CCDC157: variants seen among roughly 807,000 people sequenced by gnomAD.
CCDC157 encodes coiled-coil domain-containing protein 157.
A neutral mutation model predicts 70.9 loss-of-function variants in CCDC157; 60 were observed. That is an observed-to-expected ratio of 0.85 (90% confidence interval 0.69 to 1.05). The LOEUF (loss-of-function observed/expected upper bound fraction) is 1.05, where lower values mean the gene tolerates loss of function less well. Among genes scored for constraint, CCDC157 ranks in the 50% least tolerant of loss-of-function variants. The pLI is 0.00. For synonymous variants in CCDC157, 373 were observed against 422.4 expected, an observed-to-expected ratio of 0.88 and a Z score of 1.43; for missense variants, 943 against 984.2, an observed-to-expected ratio of 0.96 and a Z score of 0.56.
Position 30,376,441 on chromosome 22 carries a change from G to A in CCDC157, c.1955G>A (p.Gly652Asp), listed in dbSNP as rs770972497. Residue 652 changes from glycine (G) to aspartate (D), a missense_variant, in exon 12 of 12, where the codon GGC (glycine) becomes GAC (aspartate). Coordinates refer to ENST00000338306, the MANE Select transcript of CCDC157 (RefSeq NM_001017437.5). The part of the protein sequence containing the change: ...QAKSTSPGPL[G>D]RQHLPSSRTG... ...ATCTGGTTTTCCTTCAGGCCTCTGG[G>A]CAGACAGCACCTTCCTAGCAGCAGG... 1.2e-6 allele frequency: 2 copies of A among 1,613,840 alleles called. No individual in the cohort carries two copies. The highest frequency in any genetic ancestry group is 1.7e-6 in the Non-Finnish European group (2 of 1,179,928).
chr22:30,364,890 A>C (rs964498805), intron 2 of CCDC157, among the ~76,000 whole-genome samples: 1 of 151,864 alleles, frequency 6.6e-6, no homozygotes, highest in African/African-American at 2.4e-5. Flanking sequence ...TCTTAATGCA[A>C]GTTTTCATGT....
At chr22:30,364,331 C>G (rs1265054433) in intron 2 of CCDC157, among the ~76,000 whole-genome samples, 1 of 151,664 alleles carries the variant, frequency 6.6e-6, no homozygotes, top group African/African-American at 2.4e-5. Flanking sequence ...GAGACCATGT[C>G]TCAAAAAACA....
At chr22:30,376,034 A>AC in intron 10 of CCDC157, 1 of 556,034 alleles carries the variant, frequency 1.8e-6, no homozygotes, top group East Asian at 3.0e-5. Flanking sequence ...CAAAAAAAAA[A>AC]AGAAGCCATG....
intron 9 of CCDC157, chr22:30,375,191 T>C: frequency 2.9e-6 from 1 of 340,332 alleles, no homozygotes; most frequent in Non-Finnish European, 5.5e-6. Flanking sequence ...TCTCTTGACT[T>C]AATGATCCCC....
chr22:30,366,436 T>C lies in CCDC157; in HGVS notation c.248+188T>C. The C allele has an allele frequency of 7.2e-6, 5 of 689,748 alleles. No homozygotes were observed. The South Asian group carries it at 9.1e-5, about 13-fold the overall frequency. 42.7% of individuals were successfully genotyped at this position (689,748 alleles called of 1,614,324 possible). On this transcript the variant is annotated intron_variant, in intron 3 of 11. Coordinates refer to ENST00000338306, the MANE Select transcript of CCDC157 (RefSeq NM_001017437.5). ...TTACCTTTTATCATGTGTCTTGTGT[T>C]GTGTGCTGTGCTATCCTGTGTTAGG...
rs1024004607 is a variant in CCDC157 at position 30,370,891 on chromosome 22, C to T, written c.986C>T (p.Ala329Val). The change falls in exon 5 of 12, where the codon GCG becomes GTG. Residue 329 changes from alanine to valine, a missense_variant. Ala to Val is a moderately conservative substitution (Grantham distance 64). Transcript: ENST00000338306. ...GAGCAGGGGGCACGGCGGCGACAGG[C>T]GGAGGAGGATGAGCAGTGCCTGTCT... ...KQEQGARRRQ[A>V]EEDEQCLSEW... is the part of the protein sequence containing the mutation. 5.0e-6 allele frequency: 8 copies of T among 1,611,090 alleles called. No homozygotes were observed. Among genetic ancestry groups the T allele is most frequent in the Middle Eastern group, 2.0e-4 (1 of 5,062 alleles).
At chr22:30,356,898 G>C, upstream of CCDC157, 1 of 1,035,950 alleles carries the variant, frequency 9.7e-7, no homozygotes, top group Non-Finnish European at 1.2e-6. Context: ...AGATGGCGGC[G>C]GCCGAGCGAG....
rs376731680 is a variant in CCDC157 at position 30,377,853 on chromosome 22, G to A, written c.*1108G>A. The A allele has an allele frequency of 8.7e-5, 29 of 332,976 alleles. No homozygotes were observed. Among genetic ancestry groups the A allele is most frequent in the African/African-American group, 2.8e-4 (13 of 46,418 alleles). The allele number at this position is 332,976 out of a possible 1,614,324, so 20.6% of individuals were successfully genotyped here. A position where few individuals can be genotyped will look rare whatever the true frequency, so the allele number is the denominator to read the frequency against. ...GCTCTCTCAGGCGCCCACCAACTCCGTGCCATGTATTCATTAGCTCCCAGT... is the reference window on the plus strand; with the variant it reads ...GCTCTCTCAGGCGCCCACCAACTCCATGCCATGTATTCATTAGCTCCCAGT... On this transcript the variant is annotated 3_prime_UTR_variant, in exon 12 of 12. Transcript: ENST00000338306.
rs1032385760 is a variant in CCDC157 at position 30,369,623 on chromosome 22, T to C, written c.420+20T>C. 1.3e-6 allele frequency: 2 copies of C among 1,487,542 alleles called. No homozygotes were observed. Among genetic ancestry groups the C allele is most frequent in the Non-Finnish European group, 1.8e-6 (2 of 1,119,236 alleles). 92.1% of individuals were successfully genotyped at this position (1,487,542 alleles called of 1,614,324 possible). A position where few individuals can be genotyped will look rare whatever the true frequency, so the allele number is the denominator to read the frequency against. On this transcript the variant is annotated intron_variant, in intron 4 of 11. Transcript: ENST00000338306. ...CCCCAGGTGGGTCCCAGCCTCTGTC[T>C]CAGGTGGGTCAGCCTCAGCCTCTAT...
chr22:30,370,341 A>G lies in CCDC157; in HGVS notation c.436A>G (p.Arg146Gly). 6.2e-7 allele frequency: 1 copy of G among 1,613,748 alleles called. No homozygotes were observed. Among genetic ancestry groups the G allele is most frequent in the South Asian group, 1.1e-5 (1 of 91,080 alleles). ...CTGAACACAGAAAGGGGCAAACCAA[A>G]GGGAGACTCCCACCTCCAAGCCCAC... ...QPLPQKGANQ[R>G]ETPTSKPTTK... Residue 146 changes from arginine (R) to glycine (G), a missense_variant, in exon 5 of 12, where the codon AGG becomes GGG. Physicochemically the swap from Arg to Gly is moderately radical, Grantham distance 125. Transcript: ENST00000338306.
intron 2 of CCDC157, 116 bp from the exon 3 acceptor site, chr22:30,365,874 G>C: frequency 9.7e-7 from 1 of 1,028,696 alleles, no homozygotes; most frequent in Non-Finnish European, 1.4e-6. Context: ...CTTCTCCCCA[G>C]GGTCTGGGGT....
chr22:30,374,393 G>A (rs1159186390), intron 9 of CCDC157: 2 of 569,780 alleles, frequency 3.5e-6, no homozygotes, highest in Non-Finnish European at 6.7e-6. Flanking sequence ...TACGTCACAT[G>A]CTAATTCTTG....
intron 3 of CCDC157, among the ~76,000 whole-genome samples, chr22:30,367,987 G>A (rs1364094381): frequency 1.3e-5 from 2 of 152,190 alleles, no homozygotes; most frequent in Admixed American, 1.3e-4. Flanking sequence ...AGAAGCGGAG[G>A]TTGCAGTGAG....
At chr22:30,371,933 C>A in intron 6 of CCDC157, 142 bp from the exon 7 acceptor site, 2 of 753,614 alleles carry the variant, frequency 2.7e-6, no homozygotes, top group Non-Finnish European at 4.3e-6. Flanking sequence ...ATTTTCCAAA[C>A]CCACCTCAGG....
At chr22:30,375,730 C>A in intron 10 of CCDC157, 67 bp downstream of exon 10, 2 of 1,422,800 alleles carry the variant, frequency 1.4e-6, no homozygotes, top group Non-Finnish European at 1.9e-6. Context: ...GGTCTTCAGA[C>A]TCTGCCCCGG....
intron 9 of CCDC157, 148 bp downstream of exon 9, chr22:30,374,239 C>A: frequency 1.1e-6 from 1 of 893,608 alleles, no homozygotes; most frequent in Non-Finnish European, 1.7e-6. Flanking sequence ...CCCCTGTGGA[C>A]CCACCACAGC....
intron 2 of CCDC157, among the ~76,000 whole-genome samples, chr22:30,365,189 C>T (rs1406931017): frequency 6.6e-6 from 1 of 152,116 alleles, no homozygotes; most frequent in Non-Finnish European, 1.5e-5. Context: ...TCCAGGAACC[C>T]TGGAGGATGA....
At position 30,373,618 on chromosome 22, in the gene CCDC157, G is replaced by A; in HGVS notation, c.1357G>A (p.Ala453Thr). 2 of 1,555,614 alleles carry A rather than the reference G, an allele frequency of 1.3e-6. No individual in the cohort carries two copies. Among genetic ancestry groups the A allele is most frequent in the Non-Finnish European group, 1.7e-6 (2 of 1,149,396 alleles). Residue 453 changes from alanine (A) to threonine (T), a missense_variant, in exon 8 of 12, where the codon GCC (alanine) becomes ACC (threonine). Ala to Thr is a moderately conservative substitution (Grantham distance 58, BLOSUM62 0). Coordinates refer to ENST00000338306, the MANE Select transcript of CCDC157 (RefSeq NM_001017437.5). ...HQESLQAKQR[A>T]LLKQLDSLDQ... ...TTAGTCTCTGCAGGCCAAGCAGCGA[G>A]CCCTGCTAAAGCAGCTGGACAGCCT...
chr22:30,360,990 T>A (rs1282188133), intron 1 of CCDC157, among the ~76,000 whole-genome samples: 1 of 152,080 alleles, frequency 6.6e-6, no homozygotes, highest in African/African-American at 2.4e-5. Context: ...GAGGTTGTAG[T>A]GAGCCAAGAT....
Sources: gnomAD v4.1 joint callset for allele counts (sites outside exome capture counted in the v4.1 genomes callset) on GRCh38, gnomAD v4.1.1 for gene constraint, MANE v1.5 for transcripts, NCBI Gene and HGNC (gene_info 2026-07-23, HGNC 2026-07-21) for gene names.